CDH13: variants seen among roughly 807,000 people sequenced by gnomAD.
CDH13 encodes the protein cadherin-13.
CDH13 carries 24 observed loss-of-function variants against 63.8 expected under a neutral mutation model. The ratio of observed to expected loss-of-function variants is 0.38; its 90% confidence interval spans 0.27 to 0.53. CDH13 has a LOEUF of 0.53. Ranked by LOEUF, CDH13 falls within the 20% of genes least tolerant of loss-of-function variation. CDH13 has a pLI of 0.85. For missense variants in CDH13, 1,049 were observed against 903.1 expected (o/e 1.16, Z -2.07); for synonymous variants, 503 against 355.3 (o/e 1.42, Z -4.67).
At chr16:83,072,267 A>C (rs796584641) in intron 3 of CDH13, among the ~76,000 whole-genome samples, 2 of 152,314 alleles carry the variant, frequency 1.3e-5, no homozygotes, top group African/African-American at 2.4e-5. Context: ...CACTTGTCCA[A>C]GGTGTTCCAA....
intron 6 of CDH13, among the ~76,000 whole-genome samples, chr16:83,387,048 G>C (rs940364703): frequency 3.9e-5 from 6 of 152,112 alleles, no homozygotes; most frequent in Admixed American, 2.6e-4. Flanking sequence ...GGGAAGTTTG[G>C]AAAATTAAAT....
intron 7 of CDH13, among the ~76,000 whole-genome samples, chr16:83,547,186 TA>T (rs2075401255): frequency 6.6e-6 from 1 of 151,912 alleles, no homozygotes; most frequent in Non-Finnish European, 1.5e-5. Context: ...AATTATAGAG[TA>T]TGGTAAAAGC....
At chr16:82,764,647 G>T (rs2034981833) in intron 1 of CDH13, among the ~76,000 whole-genome samples, 1 of 152,198 alleles carries the variant, frequency 6.6e-6, no homozygotes, top group Admixed American at 6.5e-5. Context: ...CAATAAACGT[G>T]TGTTGAATAA....
At chr16:83,523,086 C>G (rs541984715) in intron 7 of CDH13, among the ~76,000 whole-genome samples, 1 of 152,322 alleles carries the variant, frequency 6.6e-6, no homozygotes, top group Admixed American at 6.5e-5. Flanking sequence ...CCCTATTCCA[C>G]CCTCCTCTGG....
At chr16:82,804,257 T>G in intron 1 of CDH13, among the ~76,000 whole-genome samples, 1 of 134,434 alleles carries the variant, frequency 7.4e-6, no homozygotes, top group Non-Finnish European at 1.6e-5. Flanking sequence ...AGTTTAGATC[T>G]CAGGTTAGGG....
At chr16:83,065,412 G>T (rs2031923353) in intron 3 of CDH13, among the ~76,000 whole-genome samples, 1 of 152,092 alleles carries the variant, frequency 6.6e-6, no homozygotes, top group Admixed American at 6.6e-5. Context: ...AACAGATATA[G>T]ACCACTTCCA....
intron 2 of CDH13, among the ~76,000 whole-genome samples, chr16:82,960,736 A>G (rs1040014514): frequency 3.3e-5 from 5 of 152,168 alleles, no homozygotes; most frequent in Non-Finnish European, 5.9e-5. Context: ...GATATCTTCT[A>G]GGGAACTTCT....
At chr16:83,448,107 A>G (rs1025142322) in intron 6 of CDH13, among the ~76,000 whole-genome samples, 7 of 152,140 alleles carry the variant, frequency 4.6e-5, no homozygotes, top group Admixed American at 4.6e-4. Flanking sequence ...ATTTTATTAT[A>G]GAGATATAAC....
chr16:82,752,047 G>C (rs2034438485), intron 1 of CDH13, among the ~76,000 whole-genome samples: 1 of 152,182 alleles, frequency 6.6e-6, no homozygotes, highest in Admixed American at 6.5e-5. Context: ...ACAAATTTGG[G>C]GGAAACAAGA....
chr16:83,669,256 T>A (rs1364979772), intron 8 of CDH13, among the ~76,000 whole-genome samples: 1 of 152,088 alleles, frequency 6.6e-6, no homozygotes, highest in Non-Finnish European at 1.5e-5. Context: ...CCTCCAACCA[T>A]AATAACCATA....
chr16:83,044,479 G>T (rs980060404), intron 3 of CDH13, among the ~76,000 whole-genome samples: 1 of 152,108 alleles, frequency 6.6e-6, no homozygotes, highest in East Asian at 1.9e-4. Flanking sequence ...CTTTTCCTGT[G>T]AATAGAACCT....
At chr16:83,222,271 T>G (rs1401983644) in intron 5 of CDH13, among the ~76,000 whole-genome samples, 1 of 152,214 alleles carries the variant, frequency 6.6e-6, no homozygotes, top group Non-Finnish European at 1.5e-5. Flanking sequence ...TGGTCAAGAA[T>G]GTTGTCATAA....
At chr16:82,861,450 C>A (rs1257199846) in intron 2 of CDH13, among the ~76,000 whole-genome samples, 2 of 152,172 alleles carry the variant, frequency 1.3e-5, no homozygotes, top group Non-Finnish European at 2.9e-5. Context: ...CTACCCCTAC[C>A]CTAGACTTGT....
At chr16:83,280,665 A>G (rs529560090) in intron 5 of CDH13, among the ~76,000 whole-genome samples, 1 of 145,910 alleles carries the variant, frequency 6.9e-6, no homozygotes, top group African/African-American at 2.6e-5. Context: ...CAAAGAAATC[A>G]TATGCCAGCT....
intron 10 of CDH13, among the ~76,000 whole-genome samples, chr16:83,704,542 T>G (rs968561484): frequency 6.6e-6 from 1 of 152,160 alleles, no homozygotes; most frequent in Non-Finnish European, 1.5e-5. Flanking sequence ...CAGGAAGCCA[T>G]TGTGAGATAT....
intron 5 of CDH13, among the ~76,000 whole-genome samples, chr16:83,329,495 C>T (rs2090437728): frequency 6.6e-6 from 1 of 151,976 alleles, no homozygotes; most frequent in Admixed American, 6.6e-5. Flanking sequence ...CCTCGATCTC[C>T]CAAAGTGCCG....
At chr16:82,922,294 C>T (rs1166047118) in intron 2 of CDH13, among the ~76,000 whole-genome samples, 1 of 152,106 alleles carries the variant, frequency 6.6e-6, no homozygotes, top group Admixed American at 6.6e-5. Context: ...TTAAATATGA[C>T]TGGACAACTT....
chr16:83,137,131 C>T (rs2036325049), intron 4 of CDH13, among the ~76,000 whole-genome samples: 1 of 152,154 alleles, frequency 6.6e-6, no homozygotes, highest in Non-Finnish European at 1.5e-5. Flanking sequence ...AAGTGGCTTC[C>T]ACACCCACCT....
At chr16:83,690,598 G>C (rs1461974278) in intron 10 of CDH13, among the ~76,000 whole-genome samples, 2 of 152,150 alleles carry the variant, frequency 1.3e-5, no homozygotes, top group African/African-American at 2.4e-5. Context: ...GGGAAAGGGA[G>C]ACAGAGGCAG....
Sources: gnomAD v4.1 joint callset for allele counts (sites outside exome capture counted in the v4.1 genomes callset) on GRCh38, gnomAD v4.1.1 for gene constraint, MANE v1.5 for transcripts, NCBI Gene and HGNC (gene_info 2026-07-23, HGNC 2026-07-21) for gene names.